Variants in ZMYND11 observed in about 807,000 individuals in gnomAD.
The protein encoded by ZMYND11 is zinc finger MYND domain-containing protein 11.
A neutral mutation model predicts 84.9 loss-of-function variants in ZMYND11; 9 were observed. The ratio of observed to expected loss-of-function variants is 0.11; its 90% CI spans 0.06 to 0.18. ZMYND11 has a LOEUF of 0.18. Among genes scored for constraint, ZMYND11 ranks in the 10% least tolerant of loss-of-function variants. ZMYND11 has a pLI of 1.00. For synonymous variants in ZMYND11, 250 were observed against 244.1 expected, an observed-to-expected ratio of 1.02 and a Z score of -0.23; for missense variants, 409 against 761.0, an observed-to-expected ratio of 0.54 and a Z score of 5.44.
chr10:241,992 T>TA, intron 9 of ZMYND11, 29 bp from the exon 10 acceptor site: 1 of 1,610,276 alleles, frequency 6.2e-7, no homozygotes, highest in Non-Finnish European at 8.5e-7. Context: ...TTAAAAGTAA[T>TA]ATAACAAGGT....
intron 1 of ZMYND11, among the ~76,000 whole-genome samples, chr10:171,722 A>C (rs1197192705): frequency 6.6e-6 from 1 of 152,198 alleles, no homozygotes; most frequent in Non-Finnish European, 1.5e-5. Context: ...AATAAAAGGG[A>C]GCTTCCTTGA....
At chr10:142,805 A>G (rs370376754) in intron 1 of ZMYND11, among the ~76,000 whole-genome samples, 7 of 152,186 alleles carry the variant, frequency 4.6e-5, no homozygotes, top group East Asian at 1.9e-4. Flanking sequence ...AAAACATTCT[A>G]TCTATGAAGT....
At chr10:160,882 A>G (rs1479628294) in intron 1 of ZMYND11, among the ~76,000 whole-genome samples, 1 of 151,974 alleles carries the variant, frequency 6.6e-6, no homozygotes, top group Admixed American at 6.6e-5. Flanking sequence ...CATCAGAGGA[A>G]TCACTATATT....
At chr10:169,666 T>A (rs1554765097) in intron 1 of ZMYND11, among the ~76,000 whole-genome samples, 1 of 152,142 alleles carries the variant, frequency 6.6e-6, no homozygotes, top group Admixed American at 6.5e-5. Flanking sequence ...GGTGGGCTTA[T>A]CAGTAGACTG....
At chr10:139,490 TTG>T (rs1754603998) in intron 1 of ZMYND11, among the ~76,000 whole-genome samples, 2 of 152,220 alleles carry the variant, frequency 1.3e-5, no homozygotes, top group Admixed American at 1.3e-4. Context: ...ATACAGTGAT[TTG>T]TGCAGATGTT....
chr10:232,485 G>A (rs987081481), intron 4 of ZMYND11, among the ~76,000 whole-genome samples: 3 of 152,158 alleles, frequency 2.0e-5, no homozygotes, highest in African/African-American at 7.2e-5. Flanking sequence ...TGGTTCTGTC[G>A]AGAGTCCTCT....
intron 2 of ZMYND11, among the ~76,000 whole-genome samples, chr10:195,732 G>A (rs1466912140): frequency 1.3e-5 from 2 of 152,180 alleles, no homozygotes; most frequent in African/African-American, 4.8e-5. Context: ...AGCTGTGGGG[G>A]TGAGTGCCAC....
intron 2 of ZMYND11, among the ~76,000 whole-genome samples, chr10:195,421 C>T (rs1210575893): frequency 2.0e-5 from 3 of 152,042 alleles, no homozygotes; most frequent in Non-Finnish European, 4.4e-5. Flanking sequence ...TAGGCTGGTG[C>T]CACCATAATA....
In ZMYND11 at chr10:252,312, C is replaced by T. The variant is rs188109327; in HGVS notation, c.1687-36C>T. 1.2e-6 allele frequency: 2 copies of T among 1,611,358 alleles called. No individual in the cohort carries two copies. Among genetic ancestry groups the T allele is most frequent in the African/African-American group, 2.7e-5 (2 of 74,914 alleles). On this transcript the variant is annotated intron_variant, in intron 14 of 14. Transcript: ENST00000381604. This position sits in a 1 kb window ranked among gnomAD's most constrained non-coding sequence, Gnocchi z 4.6. Reference sequence around the variant, plus strand: ...TAACCAGTCGCTTACACATCCACACCCAAGTCTAAAGACTGCCCCGATTTC... The same window carrying T: ...TAACCAGTCGCTTACACATCCACACTCAAGTCTAAAGACTGCCCCGATTTC...
intron 2 of ZMYND11, among the ~76,000 whole-genome samples, chr10:193,799 T>C (rs1941054404): frequency 1.3e-5 from 2 of 152,226 alleles, no homozygotes; most frequent in South Asian, 4.1e-4. Flanking sequence ...GCTTTGCCTG[T>C]TTTAGAATTT....
chr10:202,598 A>C (rs984249656), intron 2 of ZMYND11, among the ~76,000 whole-genome samples: 1 of 152,096 alleles, frequency 6.6e-6, no homozygotes, highest in Non-Finnish European at 1.5e-5. Flanking sequence ...AGGAGGAAGC[A>C]CTTAGTTTTG....
intron 1 of ZMYND11, among the ~76,000 whole-genome samples, chr10:146,154 G>C (rs188149552): frequency 1.3e-5 from 2 of 152,116 alleles, no homozygotes; most frequent in Non-Finnish European, 2.9e-5. Flanking sequence ...CCCCAATTTT[G>C]TTTCTGTATG....
intron 1 of ZMYND11, among the ~76,000 whole-genome samples, chr10:169,793 A>G (rs998130305): frequency 2.4e-4 from 37 of 152,146 alleles, no homozygotes; most frequent in African/African-American, 8.7e-4. Context: ...AGAATATTCA[A>G]GAACTACAGG....
At chr10:203,428 C>G (rs189296094) in intron 2 of ZMYND11, among the ~76,000 whole-genome samples, 132 of 152,002 alleles carry the variant, frequency 8.7e-4, no homozygotes, top group Non-Finnish European at 1.3e-3. Flanking sequence ...AATTATAAAA[C>G]CATATTAAAG....
At chr10:216,305 C>T (rs1946186906) in intron 3 of ZMYND11, among the ~76,000 whole-genome samples, 3 of 152,154 alleles carry the variant, frequency 2.0e-5, no homozygotes, top group South Asian at 2.1e-4. Flanking sequence ...ATATATATGG[C>T]ATATTACAGT....
At chr10:234,637 C>T (rs1433319019) in intron 4 of ZMYND11, among the ~76,000 whole-genome samples, 1 of 152,136 alleles carries the variant, frequency 6.6e-6, no homozygotes, top group African/African-American at 2.4e-5. Context: ...TTTAATAGTG[C>T]ACCCAGAGTT....
chr10:247,332 A>C (rs1357753865), intron 11 of ZMYND11, 66 bp from the exon 12 acceptor site: 1 of 1,549,384 alleles, frequency 6.5e-7, no homozygotes, highest in Non-Finnish European at 8.9e-7. Flanking sequence ...GTCCACTATG[A>C]GTGTTTTCAG....
rs958105710 is a variant in ZMYND11 at position 159,556 on chromosome 10, G to T, written c.-19-20438G>T. ...GCATTACTTTTTGTGTTTTCTGCTT[G>T]TCCATATCGTTTGCTCATTTTTTTA... On this transcript the variant is annotated intron_variant, in intron 1 of 14. Transcript: ENST00000381604. 2.6e-5 allele frequency among the ~76,000 whole-genome samples: 4 copies of T among 152,112 alleles called. 1 individual carries two copies. Among genetic ancestry groups the T allele is most frequent in the Middle Eastern group, 6.8e-3 (2 of 294 alleles).
intron 1 of ZMYND11, among the ~76,000 whole-genome samples, chr10:151,396 G>A (rs190343868): frequency 6.4e-4 from 98 of 152,294 alleles, no homozygotes; most frequent in Non-Finnish European, 1.1e-3. Flanking sequence ...GAAAACCATC[G>A]CATGAGAACT....
Sources: gnomAD v4.1 joint callset for allele counts (sites outside exome capture counted in the v4.1 genomes callset) on GRCh38, gnomAD v4.1.1 for gene constraint, Gnocchi (gnomAD v3.1) non-coding constraint, MANE v1.5 for transcripts, NCBI Gene and HGNC (gene_info 2026-07-23, HGNC 2026-07-21) for gene names.